SMG1: variants seen among roughly 807,000 people sequenced by gnomAD.
The protein encoded by SMG1 is SMG1 nonsense mediated mRNA decay associated PI3K related kinase.
In SMG1, 22 loss-of-function variants were observed where a neutral mutation model predicts 419.9. That is an observed-to-expected ratio of 0.05 (90% CI 0.04 to 0.07). The LOEUF (loss-of-function observed/expected upper bound fraction) is 0.07. Among genes scored for constraint, SMG1 ranks in the 10% least tolerant of loss-of-function variants. The probability of loss-of-function intolerance (pLI) is 1.00; values close to 1 mark genes in which losing one functional copy is unlikely to be tolerated. For missense variants in SMG1, 3,185 were observed against 4,342.0 expected (o/e 0.73, Z 7.49); for synonymous variants, 1,538 against 1,553.5 (o/e 0.99, Z 0.23).
intron 1 of SMG1, among the ~76,000 whole-genome samples, chr16:18,915,816 C>A (rs2037950436): frequency 6.6e-6 from 1 of 151,960 alleles, no homozygotes; most frequent in Admixed American, 6.6e-5. Flanking sequence ...CGCCTGTAAT[C>A]CCAGCACTTT....
chr16:18,822,380 T>C, intron 55 of SMG1, among the ~76,000 whole-genome samples: 1 of 80,572 alleles, frequency 1.2e-5, no homozygotes, highest in Non-Finnish European at 2.7e-5. Flanking sequence ...AGGGTTTTTA[T>C]GGTTTTAGGT....
At position 18,805,446 on chromosome 16, in the gene SMG1, C is replaced by T. The variant is rs1414718436; in HGVS notation, c.*4123G>A. ...TAGCCAAGTTCCCATGGAAGGCAAA[C>T]GACCCTAAGTAGTTCATATTTTACA... On this transcript the variant is annotated 3_prime_UTR_variant, in exon 63 of 63. Transcript: ENST00000446231. 6.6e-6 allele frequency: 1 copy of T among 152,148 alleles called. No homozygotes were observed. Among genetic ancestry groups the T allele is most frequent in the Non-Finnish European group, 1.5e-5 (1 of 68,020 alleles). 9.4% of individuals were successfully genotyped at this position (152,148 alleles called of 1,614,324 possible).
chr16:18,858,423 T>C, intron 28 of SMG1, 133 bp from the exon 29 acceptor site: 2 of 621,270 alleles, frequency 3.2e-6, no homozygotes, highest in Non-Finnish European at 5.3e-6. Flanking sequence ...TTTTATCTAT[T>C]ACACTATACC....
In SMG1 at chr16:18,839,885, T is replaced by C. The variant is rs776907724; in HGVS notation, c.6758A>G (p.Tyr2253Cys). ...PGIVPRPSEL[Y>C]YSKIGPALKT... is the part of the protein sequence containing the mutation. ...CAAAGCAGGGCCAATTTTACTGTAATAAAGTTCACTAGGACGGGGTACAAT... is the reference window on the plus strand; with the variant it reads ...CAAAGCAGGGCCAATTTTACTGTAACAAAGTTCACTAGGACGGGGTACAAT... Residue 2253 changes from tyrosine to cysteine, a missense_variant, in exon 42 of 63, where the codon TAT becomes TGT. Physicochemically the swap from Tyr to Cys is radical, Grantham distance 194. Coordinates refer to ENST00000446231, the MANE Select transcript of SMG1 (RefSeq NM_015092.5). The C allele has an allele frequency of 6.2e-7, 1 of 1,611,322 alleles. No homozygotes were observed. Among genetic ancestry groups the C allele is most frequent in the Non-Finnish European group, 8.5e-7 (1 of 1,178,514 alleles).
rs1223914484 is a variant in SMG1, at chr16:18,915,488, T to G, written c.92+10462A>C. Among the ~76,000 whole-genome samples the G allele has an allele frequency of 2.0e-5, 3 of 152,100 alleles. No individual in the cohort carries two copies. In the East Asian group the frequency reaches 5.8e-4, roughly 30 times the overall value. Reference sequence around the variant, plus strand: ...AAAACACAAACTTGCAGGATCTCATTTTCATGTATTTACTTGAGGAAGACA... The same window carrying G: ...AAAACACAAACTTGCAGGATCTCATGTTCATGTATTTACTTGAGGAAGACA... On this transcript the variant is annotated intron_variant, in intron 1 of 62. Transcript: ENST00000446231.
Position 18,847,925 on chromosome 16 carries a change from T to C in SMG1, c.5732A>G (p.Asn1911Ser). The change falls in exon 37 of 63, where the codon AAT becomes AGT. Residue 1911 changes from asparagine to serine, a missense_variant. By Grantham distance (46) the Asn-to-Ser change is conservative. This residue lies in a region of SMG1 where 130 missense variants were observed against 162.0 expected (regional missense o/e 0.80). Coordinates refer to ENST00000446231, the MANE Select transcript of SMG1 (RefSeq NM_015092.5). ...TAATCCACTTTTAGGTTCATCCTTA[T>C]TGCTATCCTGAGATGCAGGAGGACT... ...GGSPPASQDS[N>S]KDEPKSGLNE... 1 of 1,614,048 alleles carries C rather than the reference T, an allele frequency of 6.2e-7. No individual in the cohort carries two copies. The highest frequency in any genetic ancestry group is 8.5e-7 in the Non-Finnish European group (1 of 1,179,886).
intron 1 of SMG1, among the ~76,000 whole-genome samples, chr16:18,907,942 A>C (rs1264695656): frequency 6.6e-6 from 1 of 151,938 alleles, no homozygotes; most frequent in African/African-American, 2.4e-5. Context: ...AGTACCCTAG[A>C]AACATATCAT....
intron 31 of SMG1, among the ~76,000 whole-genome samples, chr16:18,852,939 C>A (rs979377282): frequency 6.6e-6 from 1 of 152,104 alleles, no homozygotes; most frequent in African/African-American, 2.4e-5. Flanking sequence ...GTGCATCTGA[C>A]AAGATGAAGA....
intron 3 of SMG1, among the ~76,000 whole-genome samples, chr16:18,893,989 G>C (rs2037001484): frequency 6.6e-6 from 1 of 151,756 alleles, no homozygotes; most frequent in Non-Finnish European, 1.5e-5. Flanking sequence ...TCTGGGAGGT[G>C]GAGGCTGCAG....
Position 18,829,266 on chromosome 16 carries a change from T to C in SMG1, c.9603+20A>G. On this transcript the variant is annotated intron_variant, in intron 54 of 62. Coordinates refer to ENST00000446231, the MANE Select transcript of SMG1 (RefSeq NM_015092.5). ...GTTTCCTACCTTGAGGAAAAACACA[T>C]TATAAACAAAAACACTTACCTGAAA... 3 of 1,584,224 alleles carry C rather than the reference T, an allele frequency of 1.9e-6. No individual in the cohort carries two copies. The highest frequency in any genetic ancestry group is 2.6e-6 in the Non-Finnish European group (3 of 1,160,828).
intron 20 of SMG1, 137 bp downstream of exon 20, chr16:18,868,967 C>A: frequency 1.3e-6 from 1 of 794,824 alleles, no homozygotes; most frequent in South Asian, 1.9e-5. Flanking sequence ...AAAGCTTATT[C>A]TAACAAACAT....
At chr16:18,842,772 G>C (rs1242876776) in intron 39 of SMG1, among the ~76,000 whole-genome samples, 1 of 152,180 alleles carries the variant, frequency 6.6e-6, no homozygotes, top group Non-Finnish European at 1.5e-5. Context: ...AGAGGTTGCA[G>C]AGAGCCGAGA....
At chr16:18,849,801 T>C (rs1247274061) in intron 35 of SMG1, 148 bp downstream of exon 35, 3 of 704,862 alleles carry the variant, frequency 4.3e-6, no homozygotes, top group African/African-American at 3.6e-5. Context: ...GTCCTAGTGA[T>C]GTAACAAGCA....
intron 60 of SMG1, among the ~76,000 whole-genome samples, chr16:18,814,380 T>C (rs2031786160): frequency 6.6e-6 from 1 of 151,486 alleles, no homozygotes; most frequent in African/African-American, 2.4e-5. Flanking sequence ...GCACCTGTAA[T>C]CCAAGCTACT....
At position 18,817,184 on chromosome 16, in the gene SMG1, A is replaced by C. The variant is rs561216523; in HGVS notation, c.10074+107T>G. ...CCCCCCGCCCCCCTAACAACCTCTT[A>C]CATACAGTATATGCTCAACGAATGT... On this transcript the variant is annotated intron_variant, in intron 57 of 62. Transcript: ENST00000446231. The C allele has an allele frequency of 6.9e-5, 49 of 712,934 alleles. 1 individual carries two copies. In the African/African-American group the frequency reaches 8.9e-4, roughly 13 times the overall value. The allele number at this position is 712,934 out of a possible 1,614,324, so 44.2% of individuals were successfully genotyped here. A position where few individuals can be genotyped will look rare whatever the true frequency, so the allele number is the denominator to read the frequency against.
chr16:18,887,672 T>TTAAAA (rs1555502692), intron 6 of SMG1, among the ~76,000 whole-genome samples: 67 of 65,690 alleles, frequency 1.0e-3, no homozygotes, highest in Non-Finnish European at 1.5e-3. Context: ...ACTTTTTATT[T>TTAAAA]AAAAAAAAAA....
chr16:18,905,497 A>G (rs1320940943), intron 1 of SMG1, among the ~76,000 whole-genome samples: 3 of 152,182 alleles, frequency 2.0e-5, no homozygotes. Flanking sequence ...AGACTTTTTC[A>G]GTTCACATTA....
At chr16:18,887,109 T>C (rs370368220) in intron 6 of SMG1, among the ~76,000 whole-genome samples, 1 of 152,310 alleles carries the variant, frequency 6.6e-6, no homozygotes, top group African/African-American at 2.4e-5. Context: ...GGCAAAATAT[T>C]AGTAACTGGT....
At chr16:18,882,616 A>G (rs1447705791) in intron 9 of SMG1, among the ~76,000 whole-genome samples, 1 of 152,194 alleles carries the variant, frequency 6.6e-6, no homozygotes, top group East Asian at 1.9e-4. Context: ...ATTCTAGCAC[A>G]TATGCTCTAG....
Sources: gnomAD v4.1 joint callset for allele counts (sites outside exome capture counted in the v4.1 genomes callset) on GRCh38, gnomAD v4.1.1 for gene constraint, gnomAD v4.1.1 regional missense constraint, MANE v1.5 for transcripts, NCBI Gene and HGNC (gene_info 2026-07-23, HGNC 2026-07-21) for gene names.